GAS7: variants seen among roughly 807,000 people sequenced by gnomAD.
GAS7 encodes growth arrest-specific protein 7.
Under a neutral mutation model 71.1 loss-of-function variants are expected in GAS7, and 28 were observed. That is an observed-to-expected ratio of 0.39 (90% confidence interval 0.29 to 0.54). GAS7 has a LOEUF of 0.54. Among genes scored for constraint, GAS7 ranks in the 20% least tolerant of loss-of-function variants. The pLI is 0.62. For synonymous variants in GAS7, 258 were observed against 245.8 expected (o/e 1.05, Z -0.46); for missense variants, 436 against 627.8 (o/e 0.69, Z 3.27).
At chr17:10,164,440 CAAA>C (rs765625699) in intron 1 of GAS7, among the ~76,000 whole-genome samples, 3 of 116,012 alleles carry the variant, frequency 2.6e-5, no homozygotes, top group Non-Finnish European at 3.6e-5. Flanking sequence ...GACTCTGTCT[CAAA>C]AAAAAAAAAA....
chr17:10,145,138 C>G (rs190235306), intron 1 of GAS7, among the ~76,000 whole-genome samples: 126 of 152,376 alleles, frequency 8.3e-4, no homozygotes, highest in African/African-American at 2.9e-3. Context: ...TGGCAGACAG[C>G]CTGGCTCAGC....
intron 1 of GAS7, among the ~76,000 whole-genome samples, chr17:10,030,204 A>C (rs1163585393): frequency 6.6e-6 from 1 of 152,156 alleles, no homozygotes; most frequent in East Asian, 1.9e-4. Flanking sequence ...ACCGGGTTGT[A>C]TTGGCCCCGA....
intron 1 of GAS7, among the ~76,000 whole-genome samples, chr17:10,031,809 C>T (rs773926960): frequency 2.4e-4 from 36 of 152,222 alleles, no homozygotes; most frequent in Admixed American, 1.2e-3. Flanking sequence ...CGGCGCCATA[C>T]GGCATGATGG....
intron 9 of GAS7, among the ~76,000 whole-genome samples, chr17:9,928,397 C>T (rs1272456714): frequency 3.3e-5 from 5 of 151,986 alleles, no homozygotes; most frequent in Non-Finnish European, 5.9e-5. Context: ...GCTGGGATTA[C>T]AGGCGTGAGC....
intron 9 of GAS7, among the ~76,000 whole-genome samples, chr17:9,928,171 G>A (rs886139479): frequency 1.3e-5 from 2 of 151,504 alleles, no homozygotes; most frequent in African/African-American, 2.4e-5. Context: ...GGAGTGCAGC[G>A]ACGCGATCTC....
At chr17:10,112,155 C>T (rs1254158866) in intron 1 of GAS7, among the ~76,000 whole-genome samples, 1 of 152,204 alleles carries the variant, frequency 6.6e-6, no homozygotes, top group Non-Finnish European at 1.5e-5. Flanking sequence ...ACCTCCAGCT[C>T]CCTGACTTAG....
intron 2 of GAS7, among the ~76,000 whole-genome samples, chr17:9,985,830 G>A (rs975768187): frequency 6.6e-6 from 1 of 152,194 alleles, no homozygotes; most frequent in African/African-American, 2.4e-5. Flanking sequence ...GCTCCCCACG[G>A]CGCTGCCGAG....
Position 10,194,712 on chromosome 17 carries a change from G to A in GAS7, c.183+3496C>T, listed in dbSNP as rs1210356609. On this transcript the variant is annotated intron_variant, in intron 1 of 13. Coordinates refer to ENST00000432992, the MANE Select transcript of GAS7 (RefSeq NM_201433.2). ...TTCTCGGCCGGGCACAGTGGCTCAC[G>A]CCTGTAATCCCAGCACTTTGGGAGG... 7.2e-5 allele frequency among the ~76,000 whole-genome samples: 11 copies of A among 152,002 alleles called. No homozygotes were observed. In the South Asian group the frequency reaches 1.7e-3, roughly 23 times the overall value.
At chr17:10,032,760 A>C (rs1206076217) in intron 1 of GAS7, among the ~76,000 whole-genome samples, 3 of 152,140 alleles carry the variant, frequency 2.0e-5, no homozygotes, top group Non-Finnish European at 4.4e-5. Context: ...TTCCCTCCAA[A>C]CACTTTTGGG....
rs563888959 is a variant in GAS7, at chr17:10,033,062, A to G, written c.184-13165T>C. On this transcript the variant is annotated intron_variant, in intron 1 of 13. Transcript: ENST00000432992. Reference sequence around the variant, plus strand: ...AACGTCCCTATTTGTCAAAGGAAGGAGTTGAGCTAGTACTTTTCTCTTCGT... The same window carrying G: ...AACGTCCCTATTTGTCAAAGGAAGGGGTTGAGCTAGTACTTTTCTCTTCGT... Among the ~76,000 whole-genome samples, 21 of 152,278 alleles carry G rather than the reference A, an allele frequency of 1.4e-4. No individual in the cohort carries two copies. The South Asian group carries it at 4.4e-3, about 32-fold the overall frequency.
chr17:9,943,269 G>A (rs1383305017), intron 6 of GAS7, 33 bp from the exon 7 acceptor site: 1 of 1,238,060 alleles, frequency 8.1e-7, no homozygotes, highest in East Asian at 2.3e-5. Context: ...AGAGTTTAGG[G>A]CACGTCTGAG....
chr17:10,013,102 C>CAA (rs1207550210), intron 2 of GAS7, among the ~76,000 whole-genome samples: 9 of 96,804 alleles, frequency 9.3e-5, no homozygotes, highest in Non-Finnish European at 1.5e-4. Flanking sequence ...GACTCTGTCT[C>CAA]AAAAAAAAAA....
chr17:10,182,115 C>T (rs2074421164), intron 1 of GAS7, among the ~76,000 whole-genome samples: 1 of 152,150 alleles, frequency 6.6e-6, no homozygotes, highest in African/African-American at 2.4e-5. Flanking sequence ...TATAGTCAGT[C>T]AAGCAGCCCA....
Position 9,926,532 on chromosome 17 carries a change from G to A in GAS7, c.1014+109C>T. 1.7e-6 allele frequency: 2 copies of A among 1,196,930 alleles called. No individual in the cohort carries two copies. The highest frequency in any genetic ancestry group is 2.4e-6 in the Non-Finnish European group (2 of 828,206). 74.1% of individuals were successfully genotyped at this position (1,196,930 alleles called of 1,614,324 possible). ...GACATCCCCCTATTCCCCTACCTGG[G>A]GACAAAGACTCAGCCTTGGCGTATG... On this transcript the variant is annotated intron_variant, in intron 10 of 13. Coordinates refer to ENST00000432992, the MANE Select transcript of GAS7 (RefSeq NM_201433.2). The surrounding 1 kb of genome is among the most constrained non-coding windows in gnomAD (Gnocchi z 5.0).
At chr17:9,985,312 C>T (rs1251783281) in intron 2 of GAS7, among the ~76,000 whole-genome samples, 1 of 152,312 alleles carries the variant, frequency 6.6e-6, no homozygotes, top group East Asian at 1.9e-4. Context: ...GAATCAATTC[C>T]GAAGTCCACT....
At chr17:9,932,895 G>A (rs916183916) in intron 9 of GAS7, among the ~76,000 whole-genome samples, 6 of 152,116 alleles carry the variant, frequency 3.9e-5, no homozygotes, top group Non-Finnish European at 5.9e-5. Flanking sequence ...CTTTATGGTC[G>A]GGAGTGGTGG....
intron 1 of GAS7, among the ~76,000 whole-genome samples, chr17:10,042,156 G>A (rs544134776): frequency 1.8e-4 from 27 of 152,130 alleles, no homozygotes; most frequent in Admixed American, 1.1e-3. Context: ...TTAGCTGGGC[G>A]TGGTGGCACG....
intron 1 of GAS7, among the ~76,000 whole-genome samples, chr17:10,126,623 C>T (rs2073953331): frequency 6.6e-6 from 1 of 152,066 alleles, no homozygotes; most frequent in Non-Finnish European, 1.5e-5. Context: ...CAGACACACT[C>T]ACACACTCGC....
At chr17:10,127,776 A>T (rs985347626) in intron 1 of GAS7, among the ~76,000 whole-genome samples, 1 of 152,186 alleles carries the variant, frequency 6.6e-6, no homozygotes, top group African/African-American at 2.4e-5. Flanking sequence ...AACCAGGCGA[A>T]GTGGACTAGG....
Sources: gnomAD v4.1 joint callset for allele counts (sites outside exome capture counted in the v4.1 genomes callset) on GRCh38, gnomAD v4.1.1 for gene constraint, Gnocchi (gnomAD v3.1) non-coding constraint, MANE v1.5 for transcripts, NCBI Gene and HGNC (gene_info 2026-07-23, HGNC 2026-07-21) for gene names.